ARMC9: variants seen among roughly 807,000 people sequenced by gnomAD.
The protein encoded by ARMC9 is lisH domain-containing protein ARMC9.
A neutral mutation model predicts 107.0 loss-of-function variants in ARMC9; 94 were observed. That is an observed-to-expected ratio of 0.88 (90% confidence interval 0.74 to 1.04). The LOEUF is 1.04. ARMC9 is among the 50% of genes least tolerant of loss of function. The pLI, the probability that ARMC9 is intolerant of heterozygous loss-of-function variation, is 0.00. For synonymous variants in ARMC9, 380 were observed against 396.9 expected, an observed-to-expected ratio of 0.96 and a Z score of 0.51; for missense variants, 942 against 1,030.1, an observed-to-expected ratio of 0.91 and a Z score of 1.17.
intron 22 of ARMC9, among the ~76,000 whole-genome samples, chr2:231,356,230 C>G (rs1007729971): frequency 6.6e-6 from 1 of 152,124 alleles, no homozygotes; most frequent in Non-Finnish European, 1.5e-5. Flanking sequence ...GGAGGAATGC[C>G]GGGCTGATGT....
chr2:231,333,490 G>A (rs2043878568), intron 20 of ARMC9, among the ~76,000 whole-genome samples: 1 of 152,202 alleles, frequency 6.6e-6, no homozygotes, highest in East Asian at 1.9e-4. Context: ...CTAATTGGCT[G>A]TGGAGCTGTT....
chr2:231,223,635 CCTTT>C (rs1410940422), intron 6 of ARMC9, among the ~76,000 whole-genome samples: 9 of 152,162 alleles, frequency 5.9e-5, no homozygotes, highest in Admixed American at 3.3e-4. Context: ...CCTTCTGCTT[CCTTT>C]CTAACTCCAA....
intron 12 of ARMC9, among the ~76,000 whole-genome samples, chr2:231,265,737 TG>T (rs1319102786): frequency 6.7e-6 from 1 of 149,620 alleles, no homozygotes; most frequent in Non-Finnish European, 1.5e-5. Flanking sequence ...CCAGGTGTGG[TG>T]GTTCATGCCT....
intron 7 of ARMC9, among the ~76,000 whole-genome samples, chr2:231,232,452 T>G (rs958457039): frequency 5.5e-5 from 8 of 145,268 alleles, no homozygotes; most frequent in African/African-American, 2.2e-4. Flanking sequence ...TCATGCCAGG[T>G]GACTTTTTTT....
intron 22 of ARMC9, among the ~76,000 whole-genome samples, chr2:231,359,849 A>T (rs929066216): frequency 1.3e-5 from 2 of 152,206 alleles, no homozygotes; most frequent in African/African-American, 4.8e-5. Context: ...AAAGAGAATT[A>T]TCTGGAAGTC....
At chr2:231,234,249 C>T (rs939743111) in intron 7 of ARMC9, among the ~76,000 whole-genome samples, 4 of 152,304 alleles carry the variant, frequency 2.6e-5, no homozygotes, top group African/African-American at 9.6e-5. Flanking sequence ...GAAGTGCCAA[C>T]ACCGATGAGG....
chr2:231,226,939 G>A, intron 7 of ARMC9, 141 bp downstream of exon 7: 1 of 940,566 alleles, frequency 1.1e-6, no homozygotes, highest in Non-Finnish European at 1.6e-6. Context: ...TGCAGTCATA[G>A]TGACCTGCAG....
intron 20 of ARMC9, among the ~76,000 whole-genome samples, chr2:231,338,478 C>G (rs575614901): frequency 2.1e-4 from 32 of 151,294 alleles, no homozygotes; most frequent in Admixed American, 1.8e-3. Flanking sequence ...CCACCTGCCT[C>G]AGCCTCTCAA....
intron 8 of ARMC9, among the ~76,000 whole-genome samples, chr2:231,235,712 G>A (rs889317937): frequency 2.0e-5 from 3 of 152,010 alleles, no homozygotes; most frequent in Non-Finnish European, 4.4e-5. Context: ...GCGTGATCTC[G>A]GCTCACTGCA....
chr2:231,259,730 T>C (rs973285308), intron 11 of ARMC9, among the ~76,000 whole-genome samples: 1 of 152,188 alleles, frequency 6.6e-6, no homozygotes, highest in Non-Finnish European at 1.5e-5. Flanking sequence ...TGGTGGCTCA[T>C]GCCTGTAATC....
At chr2:231,334,356 C>T (rs967082081) in intron 20 of ARMC9, among the ~76,000 whole-genome samples, 4 of 152,338 alleles carry the variant, frequency 2.6e-5, no homozygotes, top group Admixed American at 2.0e-4. Context: ...TCCTTCTTGC[C>T]TCTTCCAGCC....
chr2:231,285,943 G>T (rs2040559156), intron 17 of ARMC9, among the ~76,000 whole-genome samples: 1 of 152,128 alleles, frequency 6.6e-6, no homozygotes, highest in Admixed American at 6.5e-5. Context: ...GCAGAGTTTA[G>T]GTTGTATGCC....
intron 16 of ARMC9, among the ~76,000 whole-genome samples, chr2:231,281,479 C>G (rs962433111): frequency 6.6e-6 from 1 of 152,106 alleles, no homozygotes; most frequent in African/African-American, 2.4e-5. Flanking sequence ...AGGAGTTCCA[C>G]CTTTCCAACT....
At chr2:231,281,993 G>A (rs2040249337) in intron 16 of ARMC9, 66 bp from the exon 17 acceptor site, 1 of 1,477,994 alleles carries the variant, frequency 6.8e-7, no homozygotes. Flanking sequence ...GAGGTGTGGT[G>A]TTTGATATAG....
chr2:231,210,686 TG>T (rs1422118675), intron 3 of ARMC9, among the ~76,000 whole-genome samples: 1 of 152,240 alleles, frequency 6.6e-6, no homozygotes, highest in East Asian at 1.9e-4. Flanking sequence ...TTTCCGCAAC[TG>T]GTTTGCCATC....
intron 9 of ARMC9, among the ~76,000 whole-genome samples, chr2:231,245,498 G>A (rs772824613): frequency 3.9e-5 from 6 of 152,270 alleles, no homozygotes; most frequent in Non-Finnish European, 5.9e-5. Flanking sequence ...TAGGGCTAGC[G>A]TTACACAAAT....
intron 12 of ARMC9, chr2:231,270,397 A>G (rs1416696688): frequency 8.6e-6 from 3 of 349,150 alleles, no homozygotes; most frequent in Non-Finnish European, 1.1e-5. Flanking sequence ...AACAACTTTA[A>G]TTCATTCGTC....
At chr2:231,247,812 T>A (rs1316720993) in intron 9 of ARMC9, among the ~76,000 whole-genome samples, 1 of 152,166 alleles carries the variant, frequency 6.6e-6, no homozygotes, top group Non-Finnish European at 1.5e-5. Context: ...ACACCTGTAA[T>A]CCCAGCTACT....
rs368732029 is a variant in ARMC9, at chr2:231,231,540, T to C, written c.623-3684T>C. Among the ~76,000 whole-genome samples the C allele has an allele frequency of 5.3e-3, 803 of 151,942 alleles. 10 individuals are homozygous for C. Among genetic ancestry groups the C allele is most frequent in the African/African-American group, 0.019 (770 of 41,412 alleles). Reference sequence around the variant, plus strand: ...CTGGGATTACAGGCGCATGCCACCATGCCCAGCTAATTTTTGTACTTTTAG... The same window carrying C: ...CTGGGATTACAGGCGCATGCCACCACGCCCAGCTAATTTTTGTACTTTTAG... On this transcript the variant is annotated intron_variant, in intron 7 of 24. Coordinates refer to ENST00000611582, the MANE Select transcript of ARMC9 (RefSeq NM_001352754.2).
Sources: allele counts gnomAD v4.1 joint callset (sites outside exome capture counted in the v4.1 genomes callset), GRCh38; gene constraint gnomAD v4.1.1; transcripts MANE v1.5; gene names NCBI Gene and HGNC (gene_info 2026-07-23, HGNC 2026-07-21).